The following PLCB1 variants were observed in gnomAD, a reference collection of about 807,000 sequenced individuals.
PLCB1 encodes the protein 1-phosphatidylinositol 4,5-bisphosphate phosphodiesterase beta-1.
Under a neutral mutation model 161.8 loss-of-function variants are expected in PLCB1, and 46 were observed. The observed-to-expected ratio is 0.28, with a 90% CI of 0.22 to 0.36. The LOEUF is 0.36. Ranked by LOEUF, PLCB1 falls within the 10% of genes least tolerant of loss-of-function variation. PLCB1 has a pLI of 1.00. For missense variants in PLCB1, 1,016 were observed against 1,472.5 expected (o/e 0.69, Z 5.07); for synonymous variants, 517 against 503.7 (o/e 1.03, Z -0.35).
chr20:8,831,874 CT>C (rs1291410766), intron 31 of PLCB1, among the ~76,000 whole-genome samples: 1 of 147,216 alleles, frequency 6.8e-6, no homozygotes. Flanking sequence ...ATTTAATTTT[CT>C]TTCTTTCTTT....
chr20:8,853,902 A>G (rs1025680067), intron 31 of PLCB1, among the ~76,000 whole-genome samples: 2 of 152,202 alleles, frequency 1.3e-5, no homozygotes, highest in African/African-American at 4.8e-5. Context: ...CCCAAGCTCT[A>G]ACCATTTACT....
intron 31 of PLCB1, among the ~76,000 whole-genome samples, chr20:8,790,587 T>C (rs867144350): frequency 6.6e-6 from 1 of 152,330 alleles, no homozygotes; most frequent in Middle Eastern, 3.4e-3. Flanking sequence ...ACCTTCAGTT[T>C]GGGTACTACT....
chr20:8,337,449 C>T (rs1324579162), intron 2 of PLCB1, among the ~76,000 whole-genome samples: 1 of 152,146 alleles, frequency 6.6e-6, no homozygotes, highest in Non-Finnish European at 1.5e-5. Flanking sequence ...CATTATGGTA[C>T]CATCTTTGTT....
At chr20:8,447,510 C>T (rs551895308) in intron 3 of PLCB1, among the ~76,000 whole-genome samples, 10 of 152,102 alleles carry the variant, frequency 6.6e-5, no homozygotes, top group Non-Finnish European at 1.3e-4. Context: ...GAGTAACAGT[C>T]TAGGGAACTG....
chr20:8,383,221 G>A (rs1674363763), intron 3 of PLCB1, among the ~76,000 whole-genome samples: 1 of 152,182 alleles, frequency 6.6e-6, no homozygotes, highest in African/African-American at 2.4e-5. Context: ...GGATGCTCCT[G>A]TATTGGGTGC....
At chr20:8,814,577 ATGTGTGTGTG>A (rs10670728) in intron 31 of PLCB1, among the ~76,000 whole-genome samples, 6 of 145,198 alleles carry the variant, frequency 4.1e-5, no homozygotes, top group South Asian at 4.5e-4. Flanking sequence ...ATGTACTTGC[ATGTGTGTGTG>A]TGTGTGTGTG....
chr20:8,491,111 C>CAT lies in PLCB1; in HGVS notation c.246+119673_246+119674dup, dbSNP rs564020417. ...CTTTTATGGATTTTGGTGTTTGTGTCATATATATATATAAATATTTGCCTA... is the reference window on the plus strand; with the variant it reads ...CTTTTATGGATTTTGGTGTTTGTGTCATATATATATATATAAATATTTGCCTA... On this transcript the variant is annotated intron_variant, in intron 3 of 31. Transcript: ENST00000338037. Among the ~76,000 whole-genome samples the CAT allele has an allele frequency of 4.3e-3, 648 of 151,048 alleles. 3 individuals are homozygous for CAT. Among genetic ancestry groups the CAT allele is most frequent in the African/African-American group, 0.014 (559 of 41,270 alleles).
At chr20:8,501,862 CGCATAT>C (rs1568701417) in intron 3 of PLCB1, among the ~76,000 whole-genome samples, 4 of 104,216 alleles carry the variant, frequency 3.8e-5, no homozygotes, top group East Asian at 2.8e-4. Flanking sequence ...AAAGATATAT[CGCATAT>C]ATATATATAT....
rs557272875 is a variant in PLCB1 at position 8,182,834 on chromosome 20, G to T, written c.177+32463G>T. On this transcript the variant is annotated intron_variant, in intron 2 of 31. Transcript: ENST00000338037. ...AACCTGAAGCAATCCGCCCACCTCA[G>T]CCTCCCAAAGTGCTGGGATTACAGG... is the stretch of plus-strand genomic sequence containing the variant. 2.6e-5 allele frequency among the ~76,000 whole-genome samples: 4 copies of T among 152,146 alleles called. No individual in the cohort carries two copies. In the South Asian group the frequency reaches 8.3e-4, roughly 32 times the overall value.
chr20:8,174,892 T>G (rs138066959), intron 2 of PLCB1, among the ~76,000 whole-genome samples: 88 of 151,772 alleles, frequency 5.8e-4, no homozygotes, highest in African/African-American at 2.0e-3. Context: ...TACAAAAAGT[T>G]AAAAATAAAA....
chr20:8,756,171 A>T (rs1432908719), intron 23 of PLCB1, among the ~76,000 whole-genome samples: 1 of 152,222 alleles, frequency 6.6e-6, no homozygotes, highest in Non-Finnish European at 1.5e-5. Context: ...TAACATCCAC[A>T]TATTTACTCT....
At chr20:8,331,377 C>T (rs1243870264) in intron 2 of PLCB1, among the ~76,000 whole-genome samples, 1 of 149,176 alleles carries the variant, frequency 6.7e-6, no homozygotes, top group Non-Finnish European at 1.5e-5. Context: ...ATGTTCAAAT[C>T]GGGAGAAGGG....
At chr20:8,511,455 C>A (rs1378364143) in intron 3 of PLCB1, among the ~76,000 whole-genome samples, 1 of 152,166 alleles carries the variant, frequency 6.6e-6, no homozygotes, top group Middle Eastern at 3.4e-3. Context: ...CCATATCTTG[C>A]CTGTTGTGAA....
At chr20:8,611,282 C>A (rs1473183104) in intron 3 of PLCB1, among the ~76,000 whole-genome samples, 2 of 151,962 alleles carry the variant, frequency 1.3e-5, no homozygotes, top group African/African-American at 4.8e-5. Context: ...CCATTGGGCA[C>A]CATCTTCTTT....
Position 8,727,230 on chromosome 20 carries a change from C to A in PLCB1, c.1679-79C>A, listed in dbSNP as rs939247040. The A allele has an allele frequency of 1.4e-5, 9 of 657,014 alleles. No homozygotes were observed. The East Asian group carries it at 2.5e-4, about 18-fold the overall frequency. 40.7% of individuals were successfully genotyped at this position (657,014 alleles called of 1,614,324 possible). A position where few individuals can be genotyped will look rare whatever the true frequency, so the allele number is the denominator to read the frequency against. On this transcript the variant is annotated intron_variant, in intron 16 of 31. Transcript: ENST00000338037. ...AACTTCACTGAATATTTACCCATTT[C>A]TTTTATAATGTTATAATTTATAACA... is the stretch of plus-strand genomic sequence containing the variant.
intron 9 of PLCB1, 43 bp from the exon 10 acceptor site, chr20:8,684,870 AGAGGCGACTTGACACCCAT>A: frequency 9.0e-6 from 12 of 1,330,526 alleles, no homozygotes; most frequent in African/African-American, 3.0e-5. Flanking sequence ...AAAAAAAAAA[AGAGGCGACTTGACACCCAT>A]AAAAGAATGC....
At chr20:8,590,505 C>T (rs1231300968) in intron 3 of PLCB1, among the ~76,000 whole-genome samples, 1 of 152,032 alleles carries the variant, frequency 6.6e-6, no homozygotes, top group Admixed American at 6.6e-5. Flanking sequence ...CAAATTACCA[C>T]AAACTCAGTG....
At chr20:8,628,908 G>A (rs911364926) in intron 4 of PLCB1, among the ~76,000 whole-genome samples, 14 of 151,930 alleles carry the variant, frequency 9.2e-5, no homozygotes, top group African/African-American at 3.4e-4. Flanking sequence ...ACTCCAGCCT[G>A]GGTGACAGAG....
chr20:8,812,443 G>C (rs62195028), intron 31 of PLCB1, among the ~76,000 whole-genome samples: 35,743 of 151,548 alleles, frequency 0.24, 5,142 homozygotes, highest in South Asian at 0.32. Context: ...GTGAGCGGGG[G>C]CTGGTGAAAG....
Sources: allele counts gnomAD v4.1 joint callset (sites outside exome capture counted in the v4.1 genomes callset), GRCh38; gene constraint gnomAD v4.1.1; transcripts MANE v1.5; gene names NCBI Gene and HGNC (gene_info 2026-07-23, HGNC 2026-07-21).